Variants in LIMS1 observed in about 807,000 individuals in gnomAD.
LIMS1 encodes LIM and senescent cell antigen-like-containing domain protein 1.
A neutral mutation model predicts 44.1 loss-of-function variants in LIMS1; 18 were observed. The ratio of observed to expected loss-of-function variants is 0.41; its 90% CI spans 0.28 to 0.61. The LOEUF (loss-of-function observed/expected upper bound fraction) is 0.61, where lower values mean the gene tolerates loss of function less well. LIMS1 is among the 20% of genes least tolerant of loss of function. LIMS1 has a pLI of 0.32. For missense variants in LIMS1, 201 were observed against 422.0 expected (o/e 0.48, Z 4.59); for synonymous variants, 93 against 149.1 (o/e 0.62, Z 2.74).
intron 1 of LIMS1, among the ~76,000 whole-genome samples, chr2:108,594,913 T>C (rs2104697724): frequency 6.6e-6 from 1 of 151,730 alleles, no homozygotes; most frequent in Non-Finnish European, 1.5e-5. Flanking sequence ...GACAGACTCA[T>C]CCTAAAAAAA....
intron 1 of LIMS1, among the ~76,000 whole-genome samples, chr2:108,619,294 T>C (rs958416019): frequency 6.6e-6 from 1 of 152,194 alleles, no homozygotes; most frequent in African/African-American, 2.4e-5. Flanking sequence ...TTGTGTTTTA[T>C]TCATTAGGCG....
intron 1 of LIMS1, among the ~76,000 whole-genome samples, chr2:108,538,752 T>C (rs1165685063): frequency 6.6e-6 from 1 of 152,198 alleles, no homozygotes; most frequent in Non-Finnish European, 1.5e-5. Flanking sequence ...CATTTTTGAG[T>C]GTACAGTTCT....
intron 1 of LIMS1, among the ~76,000 whole-genome samples, chr2:108,593,078 T>C (rs1686489191): frequency 6.6e-6 from 1 of 152,220 alleles, no homozygotes; most frequent in African/African-American, 2.4e-5. Context: ...GTGGTAATTC[T>C]ATGTTTAGCT....
At chr2:108,675,399 G>A (rs1429557173) in intron 5 of LIMS1, among the ~76,000 whole-genome samples, 13 of 151,832 alleles carry the variant, frequency 8.6e-5, no homozygotes, top group African/African-American at 2.4e-4. Context: ...CAGTAACAGC[G>A]TTAATCCATC....
intron 1 of LIMS1, among the ~76,000 whole-genome samples, chr2:108,646,710 A>ATTTTG (rs1690088554): frequency 1.3e-5 from 2 of 152,238 alleles, no homozygotes; most frequent in South Asian, 4.1e-4. Flanking sequence ...GTTTTGTTTT[A>ATTTTG]TTTTGTTTTG....
At chr2:108,602,409 A>G (rs1240917144) in intron 1 of LIMS1, among the ~76,000 whole-genome samples, 2 of 152,238 alleles carry the variant, frequency 1.3e-5, no homozygotes, top group Non-Finnish European at 2.9e-5. Flanking sequence ...TCCCCGCAGT[A>G]TGATACTAGC....
At chr2:108,642,535 A>G (rs888741073) in intron 1 of LIMS1, among the ~76,000 whole-genome samples, 10 of 150,298 alleles carry the variant, frequency 6.7e-5, no homozygotes, top group Non-Finnish European at 1.5e-4. Flanking sequence ...AATTTTTTGT[A>G]TTTTTCGTAG....
intron 1 of LIMS1, among the ~76,000 whole-genome samples, chr2:108,563,194 T>C (rs935439145): frequency 6.6e-6 from 1 of 152,272 alleles, no homozygotes; most frequent in Admixed American, 6.5e-5. Context: ...AGGAGATTAA[T>C]GTTATTTCCA....
At chr2:108,556,172 C>T (rs10194481) in intron 1 of LIMS1, among the ~76,000 whole-genome samples, 1 of 152,066 alleles carries the variant, frequency 6.6e-6, no homozygotes, top group Non-Finnish European at 1.5e-5. Flanking sequence ...ACTCTAGGTA[C>T]GTCATATAAG....
intron 1 of LIMS1, among the ~76,000 whole-genome samples, chr2:108,543,755 A>G (rs762009247): frequency 1.1e-4 from 16 of 152,242 alleles, no homozygotes; most frequent in Non-Finnish European, 2.1e-4. Flanking sequence ...CTTAGAAGGT[A>G]TATAAGCTCT....
At chr2:108,561,195 T>C (rs545609528) in intron 1 of LIMS1, among the ~76,000 whole-genome samples, 2 of 152,362 alleles carry the variant, frequency 1.3e-5, no homozygotes, top group South Asian at 2.1e-4. Context: ...TCCAAACTGC[T>C]TTCCACAGTG....
intron 1 of LIMS1, among the ~76,000 whole-genome samples, chr2:108,656,315 ATC>A: frequency 1.1e-4 from 8 of 70,156 alleles, no homozygotes; most frequent in African/African-American, 2.1e-4. Context: ...CTATCTATCT[ATC>A]TATAGATAGA....
intron 2 of LIMS1, among the ~76,000 whole-genome samples, chr2:108,663,527 A>T (rs826678): frequency 0.37 from 56,985 of 151,966 alleles, 11,293 homozygotes; most frequent in Middle Eastern, 0.52. Context: ...GCCAACAGTT[A>T]CAAGAGTGAT....
intron 1 of LIMS1, among the ~76,000 whole-genome samples, chr2:108,563,525 A>G (rs1685194737): frequency 6.6e-6 from 1 of 152,194 alleles, no homozygotes; most frequent in African/African-American, 2.4e-5. Context: ...TGGAAATCAC[A>G]AGATAACTAG....
chr2:108,685,539 C>T (rs142742291), exon 10 of LIMS1: 1 of 152,170 alleles, frequency 6.6e-6, no homozygotes, highest in East Asian at 1.9e-4. Flanking sequence ...TTTAAAAATT[C>T]TGTGCATGTA....
chr2:108,610,927 G>A (rs1270891611), intron 1 of LIMS1, among the ~76,000 whole-genome samples: 1 of 152,118 alleles, frequency 6.6e-6, no homozygotes, highest in Non-Finnish European at 1.5e-5. Context: ...TCCTCACATA[G>A]TCCTCACCTA....
At chr2:108,578,651 T>G (rs893891750) in intron 1 of LIMS1, among the ~76,000 whole-genome samples, 5 of 143,134 alleles carry the variant, frequency 3.5e-5, no homozygotes, top group African/African-American at 1.3e-4. Flanking sequence ...TAGAATGCAG[T>G]GGCACGATCT....
intron 1 of LIMS1, among the ~76,000 whole-genome samples, chr2:108,649,075 A>G (rs951109827): frequency 2.1e-4 from 32 of 152,200 alleles, no homozygotes; most frequent in African/African-American, 7.5e-4. Context: ...AATTTTTGCA[A>G]TCTACTCATC....
At chr2:108,679,559 A>G (rs1268641771) in intron 8 of LIMS1, among the ~76,000 whole-genome samples, 2 of 152,140 alleles carry the variant, frequency 1.3e-5, no homozygotes, top group Non-Finnish European at 2.9e-5. Context: ...AGCGTCTGAG[A>G]TTTTGGTATC....
Sources: gnomAD v4.1 joint callset for allele counts (sites outside exome capture counted in the v4.1 genomes callset) on GRCh38, gnomAD v4.1.1 for gene constraint, MANE v1.5 for transcripts, NCBI Gene and HGNC (gene_info 2026-07-23, HGNC 2026-07-21) for gene names.